PCDHGB2: variants seen among roughly 807,000 people sequenced by gnomAD.
PCDHGB2 encodes protocadherin gamma-B2.
Under a neutral mutation model 59.3 loss-of-function variants are expected in PCDHGB2, and 55 were observed. The observed-to-expected ratio is 0.93, with a 90% CI of 0.75 to 1.16. The LOEUF (loss-of-function observed/expected upper bound fraction) is 1.16, where lower values mean the gene tolerates loss of function less well. Ranked by LOEUF, PCDHGB2 falls within the 50% of genes most tolerant of loss-of-function variation. The pLI is 0.00. For missense variants in PCDHGB2, 1,228 were observed against 1,198.5 expected (o/e 1.02, Z -0.36); for synonymous variants, 516 against 512.0 (o/e 1.01, Z -0.11).
Position 141,431,755 on chromosome 5 carries a change from AGTCCT to A in PCDHGB2, c.2422-63050_2422-63046del. On this transcript the variant is annotated intron_variant, in intron 1 of 3. Coordinates refer to ENST00000522605, the MANE Select transcript of PCDHGB2 (RefSeq NM_018923.3). This position sits in a 1 kb window ranked among gnomAD's most constrained non-coding sequence, Gnocchi z 4.8. ...ATGCAGGATATTCTGCGCGAGCCAA[AGTCCT>A]GATCACTGTTCTGGACGTGAACGAC... 6.2e-7 allele frequency: 1 copy of A among 1,614,238 alleles called. No individual in the cohort carries two copies. Among genetic ancestry groups the A allele is most frequent in the Non-Finnish European group, 8.5e-7 (1 of 1,180,048 alleles).
intron 1 of PCDHGB2, chr5:141,375,000 A>AC (rs1771024393): frequency 6.2e-7 from 1 of 1,613,928 alleles, no homozygotes; most frequent in Non-Finnish European, 8.5e-7. Context: ...ACTTCTGCAA[A>AC]TCTAGACTAT....
chr5:141,491,564 G>A lies in PCDHGB2; in HGVS notation c.2422-3243G>A, dbSNP rs2099721154. On this transcript the variant is annotated intron_variant, in intron 1 of 3. Coordinates refer to ENST00000522605, the MANE Select transcript of PCDHGB2 (RefSeq NM_018923.3). The surrounding 1 kb of genome is among the most constrained non-coding windows in gnomAD (Gnocchi z 6.9). Reference sequence around the variant, plus strand: ...ACAGACTCGCAGAGCCACTGCTACAGGACGTGCTTTTCACCGGCCTCGGAC... The same window carrying A: ...ACAGACTCGCAGAGCCACTGCTACAAGACGTGCTTTTCACCGGCCTCGGAC... The A allele has an allele frequency of 3.1e-6, 5 of 1,613,878 alleles. No individual in the cohort carries two copies. Among genetic ancestry groups the A allele is most frequent in the Non-Finnish European group, 8.5e-7 (1 of 1,180,042 alleles).
intron 1 of PCDHGB2, among the ~76,000 whole-genome samples, chr5:141,402,671 G>A (rs1016182752): frequency 2.0e-5 from 3 of 152,140 alleles, no homozygotes; most frequent in Admixed American, 2.0e-4. Flanking sequence ...TTCTTTATCA[G>A]CCATCTGATA....
At chr5:141,401,813 T>C (rs2094195030) in intron 1 of PCDHGB2, among the ~76,000 whole-genome samples, 1 of 152,208 alleles carries the variant, frequency 6.6e-6, no homozygotes, top group Non-Finnish European at 1.5e-5. Context: ...ATGGGTTCCT[T>C]ACAAAGTGCT....
At chr5:141,442,674 A>G (rs2098335634) in intron 1 of PCDHGB2, among the ~76,000 whole-genome samples, 1 of 152,272 alleles carries the variant, frequency 6.6e-6, no homozygotes, top group Non-Finnish European at 1.5e-5. Context: ...GGTGAGCTTG[A>G]GGGACAGTAG....
chr5:141,480,077 C>T (rs767048249), intron 1 of PCDHGB2, among the ~76,000 whole-genome samples: 2 of 152,142 alleles, frequency 1.3e-5, no homozygotes, highest in Non-Finnish European at 2.9e-5. Flanking sequence ...AAGATTCATG[C>T]ATGATATAAT....
intron 1 of PCDHGB2, among the ~76,000 whole-genome samples, chr5:141,482,356 G>A (rs1330274684): frequency 6.6e-6 from 1 of 152,118 alleles, no homozygotes; most frequent in Non-Finnish European, 1.5e-5. Flanking sequence ...TGTTGTGAGA[G>A]TGAAAAGTAA....
intron 1 of PCDHGB2, among the ~76,000 whole-genome samples, chr5:141,470,483 G>T (rs1163257164): frequency 6.6e-6 from 1 of 152,112 alleles, no homozygotes; most frequent in African/African-American, 2.4e-5. Context: ...CTAACCCTCT[G>T]GGAATAATAT....
chr5:141,439,363 A>G (rs922889903), intron 1 of PCDHGB2, among the ~76,000 whole-genome samples: 2 of 152,208 alleles, frequency 1.3e-5, no homozygotes, highest in African/African-American at 2.4e-5. Context: ...TCAAACATCA[A>G]GAAGAAATAA....
At chr5:141,388,734 G>C in intron 1 of PCDHGB2, 1 of 1,614,018 alleles carries the variant, frequency 6.2e-7, no homozygotes, top group Non-Finnish European at 8.5e-7. Flanking sequence ...TTTCAGTGAA[G>C]CTAGCCAGAT....
chr5:141,369,855 C>T (rs904166115), intron 1 of PCDHGB2, among the ~76,000 whole-genome samples: 4 of 152,098 alleles, frequency 2.6e-5, no homozygotes, highest in African/African-American at 7.2e-5. Context: ...TTTTATTTGG[C>T]CCTCATTTCT....
chr5:141,432,073 C>T lies in PCDHGB2; in HGVS notation c.2422-62734C>T, dbSNP rs1276949951. On this transcript the variant is annotated intron_variant, in intron 1 of 3. Transcript: ENST00000522605. This position sits in a 1 kb window ranked among gnomAD's most constrained non-coding sequence, Gnocchi z 6.0. ...CGCCCCTATCCACGGAAACTCATAT[C>T]TCGCTGAACGTGGCAGACACCAACG... is the stretch of plus-strand genomic sequence containing the variant. 3.1e-6 allele frequency: 5 copies of T among 1,614,208 alleles called. No homozygotes were observed. Among genetic ancestry groups the T allele is most frequent in the Non-Finnish European group, 4.2e-6 (5 of 1,180,040 alleles).
chr5:141,415,747 T>TTTG, intron 1 of PCDHGB2: 1 of 797,602 alleles, frequency 1.3e-6, no homozygotes, highest in East Asian at 4.8e-5. Flanking sequence ...AAGGTTTTTT[T>TTTG]TTTTTTTTTT....
At position 141,361,156 on chromosome 5, in the gene PCDHGB2, A is replaced by C; in HGVS notation, c.1021A>C (p.Asn341His). 6.2e-7 allele frequency: 1 copy of C among 1,613,960 alleles called. No individual in the cohort carries two copies. The change falls in exon 1 of 4, where the codon AAC becomes CAC. Residue 341 changes from asparagine (N) to histidine (H), a missense_variant. Asn to His is a moderately conservative substitution (Grantham distance 68, BLOSUM62 1). This residue lies in a region of PCDHGB2 where 781 missense variants were observed against 721.6 expected (regional missense o/e 1.08). Transcript: ENST00000522605. ...TATCCAAGTTGAAATTCTTGATGAC[A>C]ACGATTGTGCACCTGAAGTTATTGT... ...CSIQVEILDD[N>H]DCAPEVIVTS...
Position 141,427,885 on chromosome 5 carries a change from ACCAGGGCTCGC to A in PCDHGB2, c.2421+65332_2421+65342del, listed in dbSNP as rs772694818. 4 of 1,565,134 alleles carry A rather than the reference ACCAGGGCTCGC, an allele frequency of 2.6e-6. No homozygotes were observed. In the East Asian group the frequency reaches 6.7e-5, roughly 26 times the overall value. ...TTCGAGCTCACGATGCAGGCCCACGACCAGGGCTCGCCCGCGCTCAGCGCCAACATGAGCCG... is the reference window on the plus strand; with the variant it reads ...TTCGAGCTCACGATGCAGGCCCACGACCGCGCTCAGCGCCAACATGAGCCG... On this transcript the variant is annotated intron_variant, in intron 1 of 3. Coordinates refer to ENST00000522605, the MANE Select transcript of PCDHGB2 (RefSeq NM_018923.3).
Position 141,360,383 on chromosome 5 carries a change from A to G in PCDHGB2, c.248A>G (p.Asp83Gly). Residue 83 changes from aspartate to glycine, a missense_variant, in exon 1 of 4, where the codon GAC (aspartate) becomes GGC (glycine). By Grantham distance (94) the Asp-to-Gly change is moderately conservative. Coordinates refer to ENST00000522605, the MANE Select transcript of PCDHGB2 (RefSeq NM_018923.3). ...TTCACAGTAAACCCAGAAAGCGGAGACTTACTTGTGAGTGACAGAATAGAC... is the reference window on the plus strand; with the variant it reads ...TTCACAGTAAACCCAGAAAGCGGAGGCTTACTTGTGAGTGACAGAATAGAC... ...EYFTVNPESG[D>G]LLVSDRIDRE... 6.2e-7 allele frequency: 1 copy of G among 1,613,868 alleles called. No individual in the cohort carries two copies. Among genetic ancestry groups the G allele is most frequent in the Non-Finnish European group, 8.5e-7 (1 of 1,179,808 alleles).
intron 1 of PCDHGB2, chr5:141,418,261 G>T (rs763160633): frequency 1.9e-6 from 3 of 1,613,938 alleles, no homozygotes; most frequent in Non-Finnish European, 2.5e-6. Flanking sequence ...CTCAATTCCG[G>T]AAAGATGAAA....
In PCDHGB2 at chr5:141,487,227, G is replaced by A. The variant is rs763361726; in HGVS notation, c.2422-7580G>A. The A allele has an allele frequency of 6.2e-7, 1 of 1,614,070 alleles. No individual in the cohort carries two copies. Among genetic ancestry groups the A allele is most frequent in the Non-Finnish European group, 8.5e-7 (1 of 1,179,952 alleles). On this transcript the variant is annotated intron_variant, in intron 1 of 3. Transcript: ENST00000522605. The surrounding 1 kb of genome is among the most constrained non-coding windows in gnomAD (Gnocchi z 5.0). The stretch of plus-strand genomic sequence containing the variant: ...CGAGAATCTTCAGCTCCAAGGGAAG[G>A]AGAATCTCGTCTAACCCTCTACTTG...
At chr5:141,436,256 C>T (rs953463822) in intron 1 of PCDHGB2, among the ~76,000 whole-genome samples, 1 of 152,100 alleles carries the variant, frequency 6.6e-6, no homozygotes, top group South Asian at 2.1e-4. Context: ...TTATTCTGAC[C>T]TCTGCTCACC....
Sources: allele counts gnomAD v4.1 joint callset (sites outside exome capture counted in the v4.1 genomes callset), GRCh38; gene constraint gnomAD v4.1.1; regional missense constraint gnomAD v4.1.1; non-coding constraint Gnocchi (gnomAD v3.1); transcripts MANE v1.5; gene names NCBI Gene and HGNC (gene_info 2026-07-23, HGNC 2026-07-21).